Variants in CLVS1 observed in about 807,000 individuals in gnomAD.
The protein encoded by CLVS1 is clavesin 1.
In CLVS1, 10 loss-of-function variants were observed where a neutral mutation model predicts 33.1. That is an observed-to-expected ratio of 0.30 (90% CI 0.19 to 0.51). The LOEUF (loss-of-function observed/expected upper bound fraction) is 0.51, where lower values mean the gene tolerates loss of function less well. CLVS1 is among the 20% of genes least tolerant of loss of function. CLVS1 has a pLI of 0.97. For missense variants in CLVS1, 343 were observed against 433.4 expected (o/e 0.79, Z 1.85); for synonymous variants, 163 against 166.1 (o/e 0.98, Z 0.14).
At chr8:61,247,004 T>G (rs996505973) in intron 2 of CLVS1, among the ~76,000 whole-genome samples, 1 of 152,186 alleles carries the variant, frequency 6.6e-6, no homozygotes, top group Admixed American at 6.5e-5. Context: ...TTTCCTTCTT[T>G]GTGTTCATAA....
chr8:61,200,486 ACT>A, intron 2 of CLVS1, among the ~76,000 whole-genome samples: 1 of 152,252 alleles, frequency 6.6e-6, no homozygotes, highest in East Asian at 1.9e-4. Flanking sequence ...CTGTATATGT[ACT>A]CTGTTTTCTA....
chr8:61,312,003 A>G (rs1810848364), intron 2 of CLVS1, among the ~76,000 whole-genome samples: 1 of 152,224 alleles, frequency 6.6e-6, no homozygotes, highest in Non-Finnish European at 1.5e-5. Flanking sequence ...ATTTTGTAAT[A>G]AGCATAGCTG....
chr8:61,187,707 A>G (rs1408567268), intron 2 of CLVS1, among the ~76,000 whole-genome samples: 2 of 151,740 alleles, frequency 1.3e-5, no homozygotes, highest in South Asian at 2.1e-4. Context: ...CTGTCTCAGT[A>G]AAAACAGCTA....
chr8:61,429,840 G>A (rs1038846829), intron 3 of CLVS1, among the ~76,000 whole-genome samples: 2 of 152,154 alleles, frequency 1.3e-5, no homozygotes, highest in Non-Finnish European at 2.9e-5. Flanking sequence ...TTCCCAAGGT[G>A]TAATATAATA....
At chr8:61,435,625 T>TAA (rs35113828) in intron 3 of CLVS1, among the ~76,000 whole-genome samples, 10,973 of 134,940 alleles carry the variant, frequency 0.081, 471 homozygotes, top group Non-Finnish European at 0.094. Context: ...ATTGTGATAG[T>TAA]AAAAAAAAAA....
intron 1 of CLVS1, among the ~76,000 whole-genome samples, chr8:61,099,211 T>C (rs1342629050): frequency 6.6e-6 from 1 of 152,084 alleles, no homozygotes; most frequent in African/African-American, 2.4e-5. Flanking sequence ...CATTGTCGTT[T>C]TAGTGGAGTC....
intron 2 of CLVS1, among the ~76,000 whole-genome samples, chr8:61,333,778 G>A (rs1010387864): frequency 6.6e-6 from 1 of 152,074 alleles, no homozygotes; most frequent in Non-Finnish European, 1.5e-5. Flanking sequence ...TGTCATGGGG[G>A]TGTCAGGTTA....
chr8:60,979,066 AGT>A, the CLVS1 span, among the ~76,000 whole-genome samples: 3 of 152,178 alleles, frequency 2.0e-5, no homozygotes, highest in South Asian at 6.2e-4. Context: ...TACAAGGCCA[AGT>A]GTAGACCTTA....
intron 5 of CLVS1, among the ~76,000 whole-genome samples, chr8:61,471,816 T>C (rs77165396): frequency 2.0e-5 from 3 of 152,196 alleles, no homozygotes; most frequent in Non-Finnish European, 4.4e-5. Flanking sequence ...CTCCTTTTGC[T>C]CCAGCCCTCA....
chr8:61,345,191 A>G (rs1208949915), intron 2 of CLVS1, among the ~76,000 whole-genome samples: 1 of 152,208 alleles, frequency 6.6e-6, no homozygotes, highest in Non-Finnish European at 1.5e-5. Context: ...AAGAGCCAAG[A>G]TGAGGCAAGT....
chr8:61,365,054 T>A (rs891035551), intron 2 of CLVS1, among the ~76,000 whole-genome samples: 2 of 152,080 alleles, frequency 1.3e-5, no homozygotes, highest in Admixed American at 6.5e-5. Flanking sequence ...AGCTCAGGAG[T>A]GTAAAATCAT....
At chr8:61,272,545 T>G (rs1809464619) in intron 2 of CLVS1, among the ~76,000 whole-genome samples, 1 of 152,196 alleles carries the variant, frequency 6.6e-6, no homozygotes, top group Non-Finnish European at 1.5e-5. Flanking sequence ...TGGCCTGCCT[T>G]GCTAGATTGG....
chr8:61,127,758 AG>A (rs2129290588), intron 1 of CLVS1, among the ~76,000 whole-genome samples: 1 of 152,336 alleles, frequency 6.6e-6, no homozygotes, highest in East Asian at 1.9e-4. Flanking sequence ...ATTTTCAAAC[AG>A]CACCCTTGCA....
chr8:61,248,282 T>C (rs1248658427), intron 2 of CLVS1, among the ~76,000 whole-genome samples: 2 of 152,178 alleles, frequency 1.3e-5, no homozygotes, highest in African/African-American at 2.4e-5. Context: ...TCTTTTTTGG[T>C]TCCATATAAA....
intron 2 of CLVS1, chr8:61,202,365 GGACGTGGACATGAGCTCCCT>G (rs757719425): frequency 9.7e-4 from 720 of 746,050 alleles, no homozygotes; most frequent in Non-Finnish European, 1.4e-3. Flanking sequence ...AAGATCTGAT[GGACGTGGACATGAGCTCCCT>G]GAGGCCCCAG....
chr8:61,055,283 G>A (rs940903975), upstream of CLVS1, among the ~76,000 whole-genome samples: 1 of 152,152 alleles, frequency 6.6e-6, no homozygotes, highest in Non-Finnish European at 1.5e-5. Context: ...ACACCCTCAA[G>A]CACTTTAAAA....
chr8:61,481,589 C>G (rs575438049), intron 5 of CLVS1, among the ~76,000 whole-genome samples: 1 of 152,312 alleles, frequency 6.6e-6, no homozygotes, highest in African/African-American at 2.4e-5. Context: ...CCCACAGAGC[C>G]TCACTCACTG....
At chr8:61,214,415 A>G (rs1585694459) in intron 2 of CLVS1, among the ~76,000 whole-genome samples, 1 of 151,992 alleles carries the variant, frequency 6.6e-6, no homozygotes, top group African/African-American at 2.4e-5. Flanking sequence ...TCTCTTTTGT[A>G]CTCTGTCCCT....
At chr8:61,323,603 A>G (rs1213572765) in intron 2 of CLVS1, among the ~76,000 whole-genome samples, 4 of 152,168 alleles carry the variant, frequency 2.6e-5, no homozygotes, top group Non-Finnish European at 5.9e-5. Context: ...CATCAGATCC[A>G]GAAGTGGACA....
Sources: gnomAD v4.1 joint callset for allele counts (sites outside exome capture counted in the v4.1 genomes callset) on GRCh38, gnomAD v4.1.1 for gene constraint, MANE v1.5 for transcripts, NCBI Gene and HGNC (gene_info 2026-07-23, HGNC 2026-07-21) for gene names.